The following NRG1 variants were observed in gnomAD, a reference collection of about 807,000 sequenced individuals.
NRG1 encodes pro-neuregulin-1, membrane-bound isoform.
NRG1 carries 18 observed loss-of-function variants against 63.8 expected under a neutral mutation model. That is an observed-to-expected ratio of 0.28 (90% CI 0.19 to 0.42). The LOEUF (loss-of-function observed/expected upper bound fraction) is 0.42. Among genes scored for constraint, NRG1 ranks in the 10% least tolerant of loss-of-function variants. The probability of loss-of-function intolerance (pLI) is 1.00; values close to 1 mark genes in which losing one functional copy is unlikely to be tolerated. For synonymous variants in NRG1, 302 were observed against 301.3 expected (o/e 1.00, Z -0.02); for missense variants, 762 against 814.7 (o/e 0.94, Z 0.79).
In NRG1 at chr8:31,899,249, G is replaced by T. The variant is rs182159800; in HGVS notation, c.37+259818G>T. Among the ~76,000 whole-genome samples, 77 of 151,982 alleles carry T rather than the reference G, an allele frequency of 5.1e-4. 1 individual carries two copies. Among genetic ancestry groups the T allele is most frequent in the African/African-American group, 1.6e-3 (67 of 41,460 alleles). Reference sequence around the variant, plus strand: ...CTCCCAAAGTGCTGGGACTACAGGTGTGAATCACTGTGCCCAGCTTATTTA... The same window carrying T: ...CTCCCAAAGTGCTGGGACTACAGGTTTGAATCACTGTGCCCAGCTTATTTA... On this transcript the variant is annotated intron_variant, in intron 1 of 10. Coordinates refer to the NRG1 transcript ENST00000519301.
intron 1 of NRG1, among the ~76,000 whole-genome samples, chr8:32,344,250 T>C (rs2129478522): frequency 6.6e-6 from 1 of 152,286 alleles, no homozygotes; most frequent in Non-Finnish European, 1.5e-5. Flanking sequence ...GCCTTTCTCA[T>C]CTTGGGTCAA....
At chr8:32,311,107 G>A (rs1206366263) in intron 1 of NRG1, among the ~76,000 whole-genome samples, 1 of 152,122 alleles carries the variant, frequency 6.6e-6, no homozygotes, top group Non-Finnish European at 1.5e-5. Context: ...GCACTCAGGG[G>A]AAACGACTAT....
intron 1 of NRG1, among the ~76,000 whole-genome samples, chr8:32,512,005 C>G (rs1391770992): frequency 6.6e-6 from 1 of 152,040 alleles, no homozygotes. Flanking sequence ...CAGCACATGC[C>G]AGGTAGGAGG....
At chr8:31,754,726 A>T (rs1194313321) in intron 1 of NRG1, among the ~76,000 whole-genome samples, 2 of 152,110 alleles carry the variant, frequency 1.3e-5, no homozygotes, top group Non-Finnish European at 2.9e-5. Context: ...GTAGGATCTC[A>T]GTGGCCCCTG....
chr8:32,520,517 G>T (rs1830239645), intron 1 of NRG1, among the ~76,000 whole-genome samples: 1 of 152,090 alleles, frequency 6.6e-6, no homozygotes, highest in Non-Finnish European at 1.5e-5. Context: ...CAGGGTGGTT[G>T]TGAAATTAAA....
intron 1 of NRG1, among the ~76,000 whole-genome samples, chr8:32,050,763 T>G (rs1821852573): frequency 6.6e-6 from 1 of 152,034 alleles, no homozygotes; most frequent in Non-Finnish European, 1.5e-5. Context: ...AGATAAGAGG[T>G]TATCTTTGGG....
intron 1 of NRG1, among the ~76,000 whole-genome samples, chr8:32,567,113 C>T (rs542562842): frequency 6.6e-6 from 1 of 152,274 alleles, no homozygotes; most frequent in African/African-American, 2.4e-5. Flanking sequence ...GCTGGGATTA[C>T]AGGCATGAGC....
chr8:32,258,578 G>C (rs184398559), intron 1 of NRG1, among the ~76,000 whole-genome samples: 1 of 152,182 alleles, frequency 6.6e-6, no homozygotes, highest in Non-Finnish European at 1.5e-5. Flanking sequence ...GTACAGTTAT[G>C]TGGAAGAGGA....
intron 1 of NRG1, among the ~76,000 whole-genome samples, chr8:31,641,588 G>A (rs1240721056): frequency 3.3e-5 from 5 of 151,980 alleles, no homozygotes; most frequent in Non-Finnish European, 7.4e-5. Flanking sequence ...ATCTCATTTC[G>A]TTGCTGAGGT....
intron 1 of NRG1, among the ~76,000 whole-genome samples, chr8:32,209,015 A>G (rs1329249603): frequency 1.3e-5 from 2 of 152,182 alleles, no homozygotes; most frequent in Admixed American, 6.5e-5. Context: ...GGGCTTTTCA[A>G]TGAAGGTCTG....
At chr8:32,174,979 T>C (rs77426031) in intron 1 of NRG1, among the ~76,000 whole-genome samples, 73,384 of 152,032 alleles carry the variant, frequency 0.48, 19,131 homozygotes, top group Admixed American at 0.6. Flanking sequence ...TAACTCATTT[T>C]ATGAGGCCAG....
In NRG1 at chr8:32,294,122, C is replaced by T. The variant is rs192254100; in HGVS notation, c.38-301706C>T. ...AAATTCAGATTCCCTTTTCTGACTC[C>T]GTAGGATGCCTGTCCACGGAGGTCT... On this transcript the variant is annotated intron_variant, in intron 1 of 10. Transcript: ENST00000519301. Among the ~76,000 whole-genome samples the T allele has an allele frequency of 1.1e-4, 16 of 152,218 alleles. No individual in the cohort carries two copies. In the South Asian group the frequency reaches 1.2e-3, roughly 12 times the overall value.
intron 5 of NRG1, chr8:32,647,149 C>T (rs1341913602): frequency 1.0e-6 from 1 of 985,260 alleles, no homozygotes; most frequent in Non-Finnish European, 1.2e-6. Context: ...CAGGCACCTG[C>T]TGCTCTGTAA....
chr8:31,922,640 A>G (rs1371264008), intron 1 of NRG1, among the ~76,000 whole-genome samples: 5 of 152,192 alleles, frequency 3.3e-5, no homozygotes, highest in Non-Finnish European at 5.9e-5. Context: ...GAGGAAAATG[A>G]GAGTCTGTGC....
At chr8:32,330,752 T>A (rs1802542966) in intron 1 of NRG1, among the ~76,000 whole-genome samples, 1 of 152,142 alleles carries the variant, frequency 6.6e-6, no homozygotes, top group Non-Finnish European at 1.5e-5. Flanking sequence ...GTCAATGAGT[T>A]CCCCTTAAGG....
intron 1 of NRG1, among the ~76,000 whole-genome samples, chr8:31,704,599 G>A (rs1192943500): frequency 6.6e-6 from 1 of 152,098 alleles, no homozygotes; most frequent in African/African-American, 2.4e-5. Flanking sequence ...TTGGGAGGCT[G>A]AGGCAGGCGG....
chr8:32,022,261 G>C (rs576415136), intron 1 of NRG1, among the ~76,000 whole-genome samples: 1 of 152,106 alleles, frequency 6.6e-6, no homozygotes, highest in East Asian at 1.9e-4. Flanking sequence ...AAGTCAGAGC[G>C]TTCTCTGAAT....
rs1803605416 is a variant in NRG1 at position 31,640,222 on chromosome 8, G to T, written c.37+791G>T. On this transcript the variant is annotated intron_variant, in intron 1 of 10. Transcript: ENST00000519301. This position sits in a 1 kb window ranked among gnomAD's most constrained non-coding sequence, Gnocchi z 6.3. ...GGTGCAGGAGCTAGCTCAGCGCGCC[G>T]CGGTGGTGATCGAGGGAAAGGTGCA... The T allele has an allele frequency of 8.6e-7, 1 of 1,164,194 alleles. No individual in the cohort carries two copies. The highest frequency in any genetic ancestry group is 1.1e-6 in the Non-Finnish European group (1 of 944,042). 72.1% of individuals were successfully genotyped at this position (1,164,194 alleles called of 1,614,324 possible). A position where few individuals can be genotyped will look rare whatever the true frequency, so the allele number is the denominator to read the frequency against.
intron 1 of NRG1, among the ~76,000 whole-genome samples, chr8:31,794,904 G>A (rs1368230526): frequency 1.3e-5 from 2 of 152,106 alleles, no homozygotes; most frequent in East Asian, 3.9e-4. Flanking sequence ...CTGGATTCAA[G>A]CGATTCTCCT....
Sources: allele counts gnomAD v4.1 joint callset (sites outside exome capture counted in the v4.1 genomes callset), GRCh38; gene constraint gnomAD v4.1.1; non-coding constraint Gnocchi (gnomAD v3.1); transcripts MANE v1.5; gene names NCBI Gene and HGNC (gene_info 2026-07-23, HGNC 2026-07-21).